The following GRM8 variants were observed in gnomAD, a reference collection of about 807,000 sequenced individuals.
The protein encoded by GRM8 is glutamate metabotropic receptor 8, also known as metabotropic glutamate receptor 8.
A neutral mutation model predicts 87.2 loss-of-function variants in GRM8; 47 were observed. The observed-to-expected ratio is 0.54, with a 90% CI of 0.43 to 0.69. The LOEUF (loss-of-function observed/expected upper bound fraction) is 0.69, where lower values mean the gene tolerates loss of function less well. Ranked by LOEUF, GRM8 falls within the 30% of genes least tolerant of loss-of-function variation. The pLI is 0.00. For missense variants in GRM8, 1,019 were observed against 1,139.2 expected (o/e 0.89, Z 1.52); for synonymous variants, 396 against 404.5 (o/e 0.98, Z 0.25).
At position 126,533,056 on chromosome 7, in the gene GRM8, T is replaced by C; in HGVS notation, c.2326A>G (p.Thr776Ala). 1 of 1,613,390 alleles carries C rather than the reference T, an allele frequency of 6.2e-7. No individual in the cohort carries two copies. The highest frequency in any genetic ancestry group is 1.1e-5 in the South Asian group (1 of 91,052). The change falls in exon 9 of 11, where the codon ACT becomes GCT. Residue 776 changes from threonine to alanine, a missense_variant. Thr to Ala is a moderately conservative substitution (Grantham distance 58). Coordinates refer to ENST00000339582, the MANE Select transcript of GRM8 (RefSeq NM_000845.3). ...CCAATAGGTTTGGCTTCATTGAAAG[T>C]CTCTGGGACACCTCTCGTTTTAATG... The part of the protein sequence containing the change: ...YAIKTRGVPE[T>A]FNEAKPIGFT...
intron 9 of GRM8, among the ~76,000 whole-genome samples, chr7:126,480,134 C>T (rs1324892859): frequency 6.6e-6 from 1 of 152,044 alleles, no homozygotes; most frequent in Non-Finnish European, 1.5e-5. Flanking sequence ...CCTGTAATTC[C>T]AGCACTTTGG....
rs566264174 is a variant in GRM8 at position 126,915,072 on chromosome 7, G to A, written c.728-10389C>T. Among the ~76,000 whole-genome samples the A allele has an allele frequency of 7.9e-5, 12 of 152,276 alleles. No individual in the cohort carries two copies. The South Asian group carries it at 8.3e-4, about 11-fold the overall frequency. ...GTCTAGGTAGGTTCACAGGGTCAGC[G>A]TCCACGCTGGGCTCTCACTCAGCCA... On this transcript the variant is annotated intron_variant, in intron 3 of 10. Coordinates refer to ENST00000339582, the MANE Select transcript of GRM8 (RefSeq NM_000845.3).
chr7:126,832,473 C>T (rs1002652150), intron 6 of GRM8, among the ~76,000 whole-genome samples: 5 of 152,110 alleles, frequency 3.3e-5, no homozygotes, highest in African/African-American at 1.2e-4. Context: ...CAAAAAAACA[C>T]CCCAATATAC....
At chr7:127,210,771 T>A (rs192419176) in intron 2 of GRM8, among the ~76,000 whole-genome samples, 1 of 152,168 alleles carries the variant, frequency 6.6e-6, no homozygotes, top group Non-Finnish European at 1.5e-5. Flanking sequence ...TTTGGTTTCA[T>A]AGAAAATAAG....
intron 7 of GRM8, among the ~76,000 whole-genome samples, chr7:126,724,776 T>G (rs574088043): frequency 6.7e-6 from 1 of 149,544 alleles, no homozygotes; most frequent in Non-Finnish European, 1.5e-5. Flanking sequence ...AAAAAAAAAT[T>G]GGGGGGCTTT....
At chr7:127,131,201 A>G (rs905237004) in intron 2 of GRM8, among the ~76,000 whole-genome samples, 10 of 152,140 alleles carry the variant, frequency 6.6e-5, no homozygotes, top group Non-Finnish European at 1.3e-4. Context: ...TTTTTAATCA[A>G]CTTCTTGTTG....
At chr7:127,078,682 T>C (rs1222741774) in intron 3 of GRM8, among the ~76,000 whole-genome samples, 1 of 152,242 alleles carries the variant, frequency 6.6e-6, no homozygotes, top group Non-Finnish European at 1.5e-5. Flanking sequence ...CCATCCCAGT[T>C]TTCAGTGATG....
intron 7 of GRM8, among the ~76,000 whole-genome samples, chr7:126,643,311 AAAAAAAAAATATATATATATAT>A (rs1802644765): frequency 6.7e-5 from 2 of 29,754 alleles, no homozygotes; most frequent in East Asian, 8.7e-4. Flanking sequence ...AAAAAAAAAA[AAAAAAAAAATATATATATATAT>A]ATATATATAT....
intron 6 of GRM8, among the ~76,000 whole-genome samples, chr7:126,890,367 G>A (rs1445883622): frequency 2.6e-5 from 4 of 152,066 alleles, no homozygotes; most frequent in African/African-American, 9.7e-5. Context: ...TAATGTATTA[G>A]TCTGGACTCT....
chr7:126,493,021 TG>T (rs1479038406), intron 9 of GRM8, among the ~76,000 whole-genome samples: 2 of 152,082 alleles, frequency 1.3e-5, no homozygotes, highest in Non-Finnish European at 2.9e-5. Flanking sequence ...GTATTGATTT[TG>T]TTGGATAAAG....
chr7:126,842,935 A>T (rs949254404), intron 6 of GRM8, among the ~76,000 whole-genome samples: 1 of 152,160 alleles, frequency 6.6e-6, no homozygotes, highest in African/African-American at 2.4e-5. Context: ...ATTTGTGGTA[A>T]TTTTTTACAG....
intron 8 of GRM8, among the ~76,000 whole-genome samples, chr7:126,537,129 G>C (rs1047644090): frequency 1.2e-4 from 19 of 152,054 alleles, no homozygotes; most frequent in African/African-American, 4.6e-4. Flanking sequence ...TAAAAATAAA[G>C]TTGTAAGAAT....
chr7:126,778,894 A>AAAAGTGTAG (rs1213703126), intron 6 of GRM8, among the ~76,000 whole-genome samples: 2 of 151,514 alleles, frequency 1.3e-5, no homozygotes, highest in African/African-American at 4.9e-5. Context: ...TATGGAAAAT[A>AAAAGTGTAG]AAAGTGTAGA....
chr7:126,890,140 C>A lies in GRM8; in HGVS notation c.1156+12402G>T, dbSNP rs575654889. Among the ~76,000 whole-genome samples, 10 of 152,116 alleles carry A rather than the reference C, an allele frequency of 6.6e-5. No individual in the cohort carries two copies. In the South Asian group the frequency reaches 2.1e-3, roughly 32 times the overall value. On this transcript the variant is annotated intron_variant, in intron 6 of 10. Transcript: ENST00000339582. Reference sequence around the variant, plus strand: ...CCATATTCCATCAAGTGACCAATAGCCACATGTCACTAATGGCTGCTCTAT... The same window carrying A: ...CCATATTCCATCAAGTGACCAATAGACACATGTCACTAATGGCTGCTCTAT...
At chr7:126,643,660 A>T (rs1223682053) in intron 7 of GRM8, among the ~76,000 whole-genome samples, 2 of 152,012 alleles carry the variant, frequency 1.3e-5, no homozygotes, top group African/African-American at 4.8e-5. Flanking sequence ...AAAGACTAAA[A>T]CTCAATTACT....
intron 3 of GRM8, among the ~76,000 whole-genome samples, chr7:126,951,718 A>G (rs1808183539): frequency 6.6e-6 from 1 of 152,084 alleles, no homozygotes; most frequent in Admixed American, 6.6e-5. Context: ...AAGTAAACAT[A>G]TCATGGAAAA....
chr7:126,481,702 C>T (rs1806695792), intron 9 of GRM8, among the ~76,000 whole-genome samples: 1 of 151,988 alleles, frequency 6.6e-6, no homozygotes, highest in African/African-American at 2.4e-5. Flanking sequence ...AGCATGACAA[C>T]TTAAGATAAC....
intron 3 of GRM8, among the ~76,000 whole-genome samples, chr7:126,952,668 A>G (rs760362693): frequency 6.6e-6 from 1 of 152,108 alleles, no homozygotes; most frequent in Non-Finnish European, 1.5e-5. Flanking sequence ...AGAAGAACAC[A>G]TCATTTCTGT....
intron 6 of GRM8, among the ~76,000 whole-genome samples, chr7:126,891,936 T>C (rs1801052983): frequency 6.7e-6 from 1 of 149,708 alleles, no homozygotes; most frequent in Admixed American, 6.7e-5. Flanking sequence ...GAAGCCTATT[T>C]GTGCCAGATG....
Sources: gnomAD v4.1 joint callset for allele counts (sites outside exome capture counted in the v4.1 genomes callset) on GRCh38, gnomAD v4.1.1 for gene constraint, MANE v1.5 for transcripts, NCBI Gene and HGNC (gene_info 2026-07-23, HGNC 2026-07-21) for gene names.